FSD2: variants seen among roughly 807,000 people sequenced by gnomAD.
FSD2 encodes the protein fibronectin type III and SPRY domain containing 2.
Under a neutral mutation model 80.4 loss-of-function variants are expected in FSD2, and 71 were observed. The ratio of observed to expected loss-of-function variants is 0.88; its 90% CI spans 0.73 to 1.08. The LOEUF is 1.08. Among genes scored for constraint, FSD2 ranks in the 50% least tolerant of loss-of-function variants. The pLI is 0.00. For synonymous variants in FSD2, 361 were observed against 329.5 expected (o/e 1.10, Z -1.03); for missense variants, 923 against 913.8 (o/e 1.01, Z -0.13).
chr15:82,805,852 A>C (rs1236039307), intron 1 of FSD2, 114 bp downstream of exon 1: 1 of 152,208 alleles, frequency 6.6e-6, no homozygotes, highest in African/African-American at 2.4e-5. Flanking sequence ...AAACATCTGC[A>C]ATTTACCATG....
rs1162907234 is a variant in FSD2, at chr15:82,787,292, C to G, written c.99G>C (p.Leu33=). The part of the protein sequence containing the change: ...HMDLYDSEDR[L]HLFPEENTRM... ...TAGTGTTCTCTTCTGGAAAGAGGTG[C>G]AGTCTGTCTTCAGAGTCATACAGGT... is the stretch of plus-strand genomic sequence containing the variant. Residue 33 remains leucine, a synonymous_variant, in exon 2 of 13, where the codon CTG becomes CTC. Coordinates refer to ENST00000334574, the MANE Select transcript of FSD2 (RefSeq NM_001007122.4). 1.2e-6 allele frequency: 2 copies of G among 1,613,878 alleles called. No individual in the cohort carries two copies. The highest frequency in any genetic ancestry group is 1.7e-6 in the Non-Finnish European group (2 of 1,179,884).
chr15:82,797,352 T>C (rs1034871581), intron 1 of FSD2, among the ~76,000 whole-genome samples: 2 of 152,228 alleles, frequency 1.3e-5, no homozygotes, highest in Non-Finnish European at 2.9e-5. Context: ...CTAAGCAAGG[T>C]TGCTCTGTTC....
At chr15:82,762,642 G>T (rs2049319277) in intron 11 of FSD2, among the ~76,000 whole-genome samples, 1 of 152,208 alleles carries the variant, frequency 6.6e-6, no homozygotes, top group Non-Finnish European at 1.5e-5. Flanking sequence ...CCATAAGCTT[G>T]AAGTTCACCA....
intron 12 of FSD2, among the ~76,000 whole-genome samples, chr15:82,761,070 T>A (rs1004937788): frequency 1.3e-5 from 2 of 152,236 alleles, no homozygotes; most frequent in African/African-American, 4.8e-5. Flanking sequence ...GTAGATTTCA[T>A]TAGAGTCTTC....
At position 82,756,630 on chromosome 15, in the gene FSD2, G is replaced by C. The variant is rs903298483; in HGVS notation, c.*2718C>G. 2 of 152,166 alleles carry C rather than the reference G, an allele frequency of 1.3e-5. No homozygotes were observed. The highest frequency in any genetic ancestry group is 4.8e-5 in the African/African-American group (2 of 41,418). The allele number at this position is 152,166 out of a possible 1,614,324, so 9.4% of individuals were successfully genotyped here. On this transcript the variant is annotated 3_prime_UTR_variant, in exon 13 of 13. Coordinates refer to ENST00000334574, the MANE Select transcript of FSD2 (RefSeq NM_001007122.4). ...CTTTCCAATTCTGACTTGTAAGGGTGCCTTAAATCCTGAATACTGTACTCT... is the reference window on the plus strand; with the variant it reads ...CTTTCCAATTCTGACTTGTAAGGGTCCCTTAAATCCTGAATACTGTACTCT...
At position 82,765,158 on chromosome 15, in the gene FSD2, C is replaced by T; in HGVS notation, c.1820+8G>A. 6.3e-7 allele frequency: 1 copy of T among 1,584,792 alleles called. No individual in the cohort carries two copies. Among genetic ancestry groups the T allele is most frequent in the South Asian group, 1.1e-5 (1 of 88,380 alleles). ...ACAGAACGCCCTTGTGAGCGGTTGA[C>T]AAAGTACCTGGTGAAGTGAGTGTCG... On this transcript the variant is annotated splice_region_variant and intron_variant, in intron 11 of 12. Transcript: ENST00000334574.
At position 82,784,492 on chromosome 15, in the gene FSD2, C is replaced by A. The variant is rs150674728; in HGVS notation, c.736-1467G>T. Among the ~76,000 whole-genome samples, 933 of 152,194 alleles carry A rather than the reference C, an allele frequency of 6.1e-3. 6 individuals are homozygous for A. The highest frequency in any genetic ancestry group is 9.5e-3 in the Non-Finnish European group (649 of 68,004). ...CGAACTCCTGACCTCAAGTGATCTG[C>A]CACCTTGGCCTCCCAAAGTGCTGAA... On this transcript the variant is annotated intron_variant, in intron 3 of 12. Transcript: ENST00000334574.
chr15:82,787,470 T>G lies in FSD2; in HGVS notation c.-78-2A>C. On this transcript the variant is annotated splice_acceptor_variant, in intron 1 of 12. Transcript: ENST00000334574. LOFTEE classifies it low-confidence loss of function (5UTR_SPLICE). Reference sequence around the variant, plus strand: ...CACTTAATAGTGAATATCTGGGCCCTGGAACACAAAAGGAGGAGGAAAATC... The same window carrying G: ...CACTTAATAGTGAATATCTGGGCCCGGGAACACAAAAGGAGGAGGAAAATC... The G allele has an allele frequency of 1.5e-5, 20 of 1,326,558 alleles. No individual in the cohort carries two copies. The highest frequency in any genetic ancestry group is 2.1e-5 in the Non-Finnish European group (20 of 970,016). The allele number at this position is 1,326,558 out of a possible 1,614,324, so 82.2% of individuals were successfully genotyped here.
chr15:82,789,634 A>G lies in FSD2; in HGVS notation c.-78-2166T>C, dbSNP rs903649498. Among the ~76,000 whole-genome samples, 46 of 152,204 alleles carry G rather than the reference A, an allele frequency of 3.0e-4. 4 individuals are homozygous for G. Among genetic ancestry groups the G allele is most frequent in the Non-Finnish European group, 1.5e-5 (1 of 68,036 alleles). Reference sequence around the variant, plus strand: ...AGCTATAAGACTGTGCTTCACAGATATCCAACTACAGGGAGTGTAATTGAC... The same window carrying G: ...AGCTATAAGACTGTGCTTCACAGATGTCCAACTACAGGGAGTGTAATTGAC... On this transcript the variant is annotated intron_variant, in intron 1 of 12. Transcript: ENST00000334574.
rs796884930 is a variant in FSD2 at position 82,765,039 on chromosome 15, C to T, written c.1820+127G>A. ...GGTCCCCTCCCCATTAGGCTCCTCCCTCCTCACTCATTTGTAGGATTCCTT... is the reference window on the plus strand; with the variant it reads ...GGTCCCCTCCCCATTAGGCTCCTCCTTCCTCACTCATTTGTAGGATTCCTT... On this transcript the variant is annotated intron_variant, in intron 11 of 12. Coordinates refer to ENST00000334574, the MANE Select transcript of FSD2 (RefSeq NM_001007122.4). 6.7e-6 allele frequency: 8 copies of T among 1,186,578 alleles called. No homozygotes were observed. In the African/African-American group the frequency reaches 1.1e-4, roughly 16 times the overall value. 73.5% of individuals were successfully genotyped at this position (1,186,578 alleles called of 1,614,324 possible).
At chr15:82,785,849 C>T (rs1398717913) in intron 3 of FSD2, among the ~76,000 whole-genome samples, 3 of 152,066 alleles carry the variant, frequency 2.0e-5, no homozygotes, top group Non-Finnish European at 1.5e-5. Context: ...GTTTCTCCGC[C>T]AATGCACCAG....
chr15:82,778,011 C>G (rs187055277), intron 6 of FSD2, among the ~76,000 whole-genome samples: 101 of 149,928 alleles, frequency 6.7e-4, no homozygotes, highest in African/African-American at 2.3e-3. Context: ...TGGTGTGTGC[C>G]TGTAGTTCTA....
At chr15:82,778,974 A>C in intron 5 of FSD2, 87 bp from the exon 6 acceptor site, 1 of 1,451,796 alleles carries the variant, frequency 6.9e-7, no homozygotes, top group Non-Finnish European at 9.4e-7. Flanking sequence ...GTCATAAATG[A>C]AGAGGGGCTC....
chr15:82,765,385 G>T, intron 10 of FSD2, 87 bp from the exon 11 acceptor site: 1 of 1,560,808 alleles, frequency 6.4e-7, no homozygotes, highest in Non-Finnish European at 8.8e-7. Context: ...GCTTCGTGTG[G>T]GATACACCTA....
chr15:82,782,924 C>T lies in FSD2; in HGVS notation c.837G>A (p.Glu279=), dbSNP rs2049904580. Residue 279 remains glutamate, a synonymous_variant, in exon 4 of 13, where the codon GAG becomes GAA. Coordinates refer to ENST00000334574, the MANE Select transcript of FSD2 (RefSeq NM_001007122.4). ...KYEEKIQALG[E]KKKEKLEALY... ...AGGCTTCCAGCTTCTCTTTCTTTTT[C>T]TCCCCTAGAGCTTGTATTTTTTCCT... 1 of 1,613,858 alleles carries T rather than the reference C, an allele frequency of 6.2e-7. No homozygotes were observed. Among genetic ancestry groups the T allele is most frequent in the South Asian group, 1.1e-5 (1 of 91,074 alleles).
chr15:82,786,243 A>G (rs72753962), intron 3 of FSD2, among the ~76,000 whole-genome samples: 1,773 of 152,286 alleles, frequency 0.012, 15 homozygotes, highest in Non-Finnish European at 0.02. Flanking sequence ...CATACCATGT[A>G]GTAGGACTAG....
At chr15:82,805,775 T>C (rs1170788985) in intron 1 of FSD2, among the ~76,000 whole-genome samples, 191 bp downstream of exon 1, 1 of 152,236 alleles carries the variant, frequency 6.6e-6, no homozygotes, top group African/African-American at 2.4e-5. Context: ...CCCAACATCA[T>C]GTTCAGTTAA....
intron 1 of FSD2, among the ~76,000 whole-genome samples, chr15:82,805,358 T>A (rs3861905): frequency 1 from 151,845 of 152,276 alleles, 75,709 homozygotes; most frequent in Middle Eastern, 1. Context: ...ATTTTAGCTC[T>A]TCCATGCAGC....
chr15:82,759,478 A>C lies in FSD2; in HGVS notation c.2120T>G (p.Leu707Arg), dbSNP rs1423040078. ...ACTAAATGTATATAGATGCTGAGAA[A>C]GGTCCACATTGAAAAATGACAACTT... ...HSKLSFFNVD[L>R]SQHLYTFSCQ... Residue 707 changes from leucine to arginine, a missense_variant, in exon 13 of 13, where the codon CTT becomes CGT. Transcript: ENST00000334574. The C allele has an allele frequency of 6.2e-7, 1 of 1,613,372 alleles. No individual in the cohort carries two copies. Among genetic ancestry groups the C allele is most frequent in the African/African-American group, 1.3e-5 (1 of 74,946 alleles).
Sources: gnomAD v4.1 joint callset for allele counts (sites outside exome capture counted in the v4.1 genomes callset) on GRCh38, gnomAD v4.1.1 for gene constraint, MANE v1.5 for transcripts, NCBI Gene and HGNC (gene_info 2026-07-23, HGNC 2026-07-21) for gene names.